Variants in BMAL1 observed in about 807,000 individuals in gnomAD.
The protein encoded by BMAL1 is basic helix-loop-helix ARNT-like protein 1.
chr11:13,382,548 T>G, the BMAL1 span, among the ~76,000 whole-genome samples: 44 of 151,178 alleles, frequency 2.9e-4, no homozygotes, highest in African/African-American at 9.3e-4. Context: ...GCCAGCTGTC[T>G]TCTTAGCTGT....
the BMAL1 span, among the ~76,000 whole-genome samples, chr11:13,319,933 T>C: frequency 6.6e-6 from 1 of 152,192 alleles, no homozygotes; most frequent in African/African-American, 2.4e-5. Context: ...ACAAAGTTTT[T>C]GCCTACAACA....
chr11:13,382,648 T>G, the BMAL1 span, among the ~76,000 whole-genome samples: 3 of 152,218 alleles, frequency 2.0e-5, no homozygotes, highest in African/African-American at 7.2e-5. Flanking sequence ...AAGTTAACTT[T>G]TAGGCACTTG....
chr11:13,341,647 T>A, the BMAL1 span, among the ~76,000 whole-genome samples: 12 of 152,364 alleles, frequency 7.9e-5, no homozygotes, highest in Admixed American at 5.9e-4. Flanking sequence ...AAGATGCAGA[T>A]GTTTTCCAGA....
At chr11:13,336,523 G>A in the BMAL1 span, among the ~76,000 whole-genome samples, 7 of 152,138 alleles carry the variant, frequency 4.6e-5, no homozygotes. Context: ...GTGGGTTGAA[G>A]TCAGTCTACC....
the BMAL1 span, among the ~76,000 whole-genome samples, chr11:13,345,152 C>G: frequency 1.3e-5 from 2 of 152,242 alleles, no homozygotes; most frequent in Non-Finnish European, 2.9e-5. Flanking sequence ...AGTGTTTTAA[C>G]AGAGCTCCAC....
the BMAL1 span, among the ~76,000 whole-genome samples, chr11:13,291,589 A>G: frequency 1.3e-5 from 2 of 152,254 alleles, no homozygotes; most frequent in Non-Finnish European, 2.9e-5. Flanking sequence ...GGTCAGCGGC[A>G]GAGGCAGCAC....
At chr11:13,366,242 CAG>C in the BMAL1 span, among the ~76,000 whole-genome samples, 1 of 152,162 alleles carries the variant, frequency 6.6e-6, no homozygotes, top group East Asian at 1.9e-4. Flanking sequence ...TTTTTAGTCT[CAG>C]AGCAAAGTTA....
the BMAL1 span, among the ~76,000 whole-genome samples, chr11:13,340,791 C>T: frequency 6.6e-6 from 1 of 152,174 alleles, no homozygotes; most frequent in East Asian, 1.9e-4. Flanking sequence ...CATCACTTTT[C>T]CCAGCCTTCT....
At chr11:13,374,498 C>T in the BMAL1 span, among the ~76,000 whole-genome samples, 1 of 152,180 alleles carries the variant, frequency 6.6e-6, no homozygotes, top group Non-Finnish European at 1.5e-5. Context: ...TTCTCTTTTC[C>T]ATTCAAGCCT....
chr11:13,344,331 A>T, the BMAL1 span, among the ~76,000 whole-genome samples: 1 of 152,178 alleles, frequency 6.6e-6, no homozygotes, highest in South Asian at 2.1e-4. Context: ...CCTGCTGGAG[A>T]GTTGTCATCA....
At chr11:13,375,680 A>C in the BMAL1 span, 1 of 1,603,112 alleles carries the variant, frequency 6.2e-7, no homozygotes, top group Middle Eastern at 1.7e-4. Context: ...TTCTTTTATC[A>C]CACTACGGAG....
chr11:13,342,367 G>A, the BMAL1 span, among the ~76,000 whole-genome samples: 4 of 152,188 alleles, frequency 2.6e-5, no homozygotes, highest in Non-Finnish European at 5.9e-5. Flanking sequence ...GCATCTTCTG[G>A]TGAGGAAATC....
chr11:13,372,964 G>T, the BMAL1 span, among the ~76,000 whole-genome samples: 1 of 152,190 alleles, frequency 6.6e-6, no homozygotes, highest in South Asian at 2.1e-4. Context: ...AAACAGTAGG[G>T]ATAGCATGCT....
At chr11:13,355,272 C>T in the BMAL1 span, 1 of 1,613,858 alleles carries the variant, frequency 6.2e-7, no homozygotes, top group Non-Finnish European at 8.5e-7. Flanking sequence ...GTCAGATGCC[C>T]ACTAGGAGAT....
chr11:13,340,577 G>A, the BMAL1 span, among the ~76,000 whole-genome samples: 3,809 of 151,968 alleles, frequency 0.025, 145 homozygotes, highest in African/African-American at 0.082. Flanking sequence ...GAAATGCTGC[G>A]CTCTGGAATG....
At chr11:13,376,917 G>A in the BMAL1 span, 44 of 586,776 alleles carry the variant, frequency 7.5e-5, no homozygotes, top group East Asian at 8.9e-4. Flanking sequence ...CTGTTGAGCC[G>A]GAATACTAGG....
chr11:13,306,309 G>A, the BMAL1 span, among the ~76,000 whole-genome samples: 4 of 152,178 alleles, frequency 2.6e-5, no homozygotes, highest in African/African-American at 9.7e-5. Context: ...TGTCCAGGCA[G>A]GAGGTCCTGA....
the BMAL1 span, chr11:13,365,321 A>ACACACACACACACACAC: frequency 2.3e-5 from 11 of 475,126 alleles, no homozygotes; most frequent in South Asian, 2.2e-4. Flanking sequence ...ACACACACAC[A>ACACACACACACACACAC]ATCTTACAGT....
the BMAL1 span, among the ~76,000 whole-genome samples, chr11:13,297,386 G>T: frequency 1.3e-5 from 2 of 152,242 alleles, no homozygotes; most frequent in Non-Finnish European, 1.5e-5. Context: ...AGCCTCTGGA[G>T]TGCTGTGAGC....
Sources: gnomAD v4.1 joint callset for allele counts (sites outside exome capture counted in the v4.1 genomes callset) on GRCh38, gnomAD v4.1.1 for gene constraint, MANE v1.5 for transcripts, NCBI Gene and HGNC (gene_info 2026-07-23, HGNC 2026-07-21) for gene names.